DLGAP2: variants seen among roughly 807,000 people sequenced by gnomAD.
DLGAP2 encodes the protein DLG associated protein 2, also known as disks large-associated protein 2.
A neutral mutation model predicts 100.3 loss-of-function variants in DLGAP2; 26 were observed. That is an observed-to-expected ratio of 0.26 (90% confidence interval 0.19 to 0.36). DLGAP2 has a LOEUF of 0.36. Among genes scored for constraint, DLGAP2 ranks in the 10% least tolerant of loss-of-function variants. The probability of loss-of-function intolerance (pLI) is 1.00; values close to 1 mark genes in which losing one functional copy is unlikely to be tolerated. For synonymous variants in DLGAP2, 886 were observed against 630.1 expected (o/e 1.41, Z -6.08); for missense variants, 1,858 against 1,453.2 (o/e 1.28, Z -4.53).
At chr8:1,192,708 C>T (rs1257673149) in intron 2 of DLGAP2, among the ~76,000 whole-genome samples, 22 of 149,610 alleles carry the variant, frequency 1.5e-4, no homozygotes, top group Non-Finnish European at 2.7e-4. Context: ...TTTTAGGGTA[C>T]GTGTGCACAA....
At chr8:1,454,184 A>AT (rs909900034) in intron 3 of DLGAP2, among the ~76,000 whole-genome samples, 16 of 152,166 alleles carry the variant, frequency 1.1e-4, no homozygotes, top group Middle Eastern at 3.2e-3. Flanking sequence ...ATGTGTGTGT[A>AT]TGTCTGTGTG....
intron 2 of DLGAP2, among the ~76,000 whole-genome samples, chr8:1,199,901 C>G (rs1797832774): frequency 6.6e-6 from 1 of 152,040 alleles, no homozygotes; most frequent in African/African-American, 2.4e-5. Flanking sequence ...TACACCGCCC[C>G]CTCCCCTGGT....
chr8:1,269,649 T>A (rs1233512725), intron 3 of DLGAP2, among the ~76,000 whole-genome samples: 1 of 152,140 alleles, frequency 6.6e-6, no homozygotes, highest in Non-Finnish European at 1.5e-5. Context: ...CACCCACCTT[T>A]GTAAAATGAC....
chr8:1,141,356 G>A (rs544170319), intron 2 of DLGAP2, among the ~76,000 whole-genome samples: 2 of 152,140 alleles, frequency 1.3e-5, no homozygotes, highest in South Asian at 2.1e-4. Flanking sequence ...AAACCCAATT[G>A]GACCTGATTT....
chr8:1,551,342 C>G (rs960209189), intron 5 of DLGAP2, among the ~76,000 whole-genome samples: 5 of 152,192 alleles, frequency 3.3e-5, no homozygotes, highest in African/African-American at 1.2e-4. Context: ...TTGTTTTTGT[C>G]TGTGCCTGGT....
rs540037880 is a variant in DLGAP2, at chr8:1,597,004, T to C, written c.1443-29736T>C. Among the ~76,000 whole-genome samples, 6 of 152,278 alleles carry C rather than the reference T, an allele frequency of 3.9e-5. No individual in the cohort carries two copies. In the South Asian group the frequency reaches 1.0e-3, roughly 26 times the overall value. On this transcript the variant is annotated intron_variant, in intron 6 of 14. Coordinates refer to ENST00000637795, the MANE Select transcript of DLGAP2 (RefSeq NM_001346810.2). ...AGGCTTTTTATGGTTTTAGGTCTTA[T>C]GTTTAAGTCTTTTATCCATCTTGAG...
At chr8:1,344,131 G>GTCCGTGTACTCGGGTCCCTGTCGTGA (rs1801492729) in intron 3 of DLGAP2, among the ~76,000 whole-genome samples, 33 of 112,754 alleles carry the variant, frequency 2.9e-4, no homozygotes, top group Non-Finnish European at 5.0e-4. Context: ...CCCTGTCGTG[G>GTCCGTGTACTCGGGTCCCTGTCGTGA]GTCCGTGTAC....
chr8:855,036 G>A (rs1055026589), intron 1 of DLGAP2, among the ~76,000 whole-genome samples: 3 of 152,198 alleles, frequency 2.0e-5, no homozygotes, highest in Admixed American at 6.5e-5. Context: ...TAGTGGGTCC[G>A]GGAGGGAGTG....
At chr8:1,615,555 C>T (rs184319441) in intron 6 of DLGAP2, among the ~76,000 whole-genome samples, 2 of 152,072 alleles carry the variant, frequency 1.3e-5, no homozygotes, top group Non-Finnish European at 1.5e-5. Flanking sequence ...TAGAACTCAC[C>T]GGAAAGATCT....
At chr8:1,200,112 G>A (rs1003630388) in intron 2 of DLGAP2, among the ~76,000 whole-genome samples, 8 of 152,238 alleles carry the variant, frequency 5.3e-5, no homozygotes, top group South Asian at 2.1e-4. Flanking sequence ...GGTCGGGGGC[G>A]TGGGGGCCGG....
intron 2 of DLGAP2, among the ~76,000 whole-genome samples, chr8:1,254,925 G>C (rs866749470): frequency 6.6e-6 from 1 of 150,784 alleles, no homozygotes; most frequent in Non-Finnish European, 1.5e-5. Flanking sequence ...CAGGTGCTGT[G>C]TGTGTGCCCT....
chr8:1,026,476 C>A (rs1397835703), intron 2 of DLGAP2, among the ~76,000 whole-genome samples: 1 of 152,222 alleles, frequency 6.6e-6, no homozygotes, highest in East Asian at 1.9e-4. Context: ...CTGCTCCGAC[C>A]TGCTCCTGCT....
intron 3 of DLGAP2, among the ~76,000 whole-genome samples, chr8:1,412,226 G>C (rs1456359328): frequency 6.6e-6 from 1 of 152,080 alleles, no homozygotes; most frequent in African/African-American, 2.4e-5. Flanking sequence ...TGCTGAAGGC[G>C]AGGTCCCCCG....
intron 6 of DLGAP2, among the ~76,000 whole-genome samples, chr8:1,623,544 TGCGTGATAACCTGGCACCA>T (rs1797407024): frequency 6.7e-6 from 1 of 149,116 alleles, no homozygotes; most frequent in Non-Finnish European, 1.5e-5. Flanking sequence ...CTGACACCAG[TGCGTGATAACCTGGCACCA>T]GTGCGTGATG....
At chr8:965,772 C>T (rs867006860) in intron 2 of DLGAP2, among the ~76,000 whole-genome samples, 9 of 144,898 alleles carry the variant, frequency 6.2e-5, no homozygotes, top group South Asian at 2.3e-4. Context: ...CCCTGCGCTG[C>T]ACACGGCACT....
At chr8:1,292,254 G>A (rs1271128336) in intron 3 of DLGAP2, among the ~76,000 whole-genome samples, 1 of 152,182 alleles carries the variant, frequency 6.6e-6, no homozygotes, top group Non-Finnish European at 1.5e-5. Context: ...AAGGTATTGG[G>A]TTCCCTCTGC....
intron 6 of DLGAP2, among the ~76,000 whole-genome samples, chr8:1,584,065 G>C (rs376759496): frequency 6.6e-6 from 1 of 151,964 alleles, no homozygotes; most frequent in Admixed American, 6.6e-5. Flanking sequence ...TTGCTTTCCC[G>C]AGAGTCCCTA....
chr8:1,440,957 C>T (rs1275156399), intron 3 of DLGAP2, among the ~76,000 whole-genome samples: 1 of 152,180 alleles, frequency 6.6e-6, no homozygotes, highest in Non-Finnish European at 1.5e-5. Context: ...TGCAAAAGCA[C>T]GTAAGTCTAC....
At chr8:906,207 G>T (rs1199341217) in intron 1 of DLGAP2, among the ~76,000 whole-genome samples, 1 of 152,236 alleles carries the variant, frequency 6.6e-6, no homozygotes, top group Non-Finnish European at 1.5e-5. Context: ...GTCTGCAGCT[G>T]ACTAGGTCAG....
Sources: allele counts gnomAD v4.1 joint callset (sites outside exome capture counted in the v4.1 genomes callset), GRCh38; gene constraint gnomAD v4.1.1; transcripts MANE v1.5; gene names NCBI Gene and HGNC (gene_info 2026-07-23, HGNC 2026-07-21).